SLC28A1: variants seen among roughly 807,000 people sequenced by gnomAD.
SLC28A1 encodes the protein sodium/nucleoside cotransporter 1.
In SLC28A1, 64 loss-of-function variants were observed where a neutral mutation model predicts 74.8. That is an observed-to-expected ratio of 0.86 (90% CI 0.70 to 1.05). The LOEUF is 1.05. Among genes scored for constraint, SLC28A1 ranks in the 50% least tolerant of loss-of-function variants. SLC28A1 has a pLI of 0.00. For missense variants in SLC28A1, 828 were observed against 822.8 expected (o/e 1.01, Z -0.08); for synonymous variants, 359 against 335.0 (o/e 1.07, Z -0.78).
In SLC28A1 at chr15:84,933,221, C is replaced by T. The variant is rs748592691; in HGVS notation, c.1160C>T (p.Pro387Leu). The T allele has an allele frequency of 2.3e-5, 37 of 1,613,604 alleles. No individual in the cohort carries two copies. In the Admixed American group the frequency reaches 3.0e-4, roughly 13 times the overall value. ...CALALSKLVY[P>L]EVEESKFRRE... The stretch of plus-strand genomic sequence containing the variant: ...TTGGCCCTCTCCAAGCTGGTCTACC[C>T]GGAGGTGGAGGAGTCCAAGTTTAGG... The change falls in exon 13 of 19, where the codon CCG becomes CTG. Residue 387 changes from proline (P) to leucine (L), a missense_variant. By Grantham distance (98) the Pro-to-Leu change is moderately conservative (BLOSUM62 -3). Coordinates refer to ENST00000394573, the MANE Select transcript of SLC28A1 (RefSeq NM_004213.5).
chr15:84,970,990 G>T, the SLC28A1 span, among the ~76,000 whole-genome samples: 5 of 152,190 alleles, frequency 3.3e-5, no homozygotes, highest in Non-Finnish European at 7.3e-5. Context: ...AAGTTCAAGG[G>T]CACAGTGGGC....
At chr15:84,906,504 GTTTGTTTGTTTGTTTGTTTGTTTGTTTC>G (rs1490871103) in intron 8 of SLC28A1, among the ~76,000 whole-genome samples, 184 of 10,648 alleles carry the variant, frequency 0.017, 2 homozygotes, top group African/African-American at 0.036. Flanking sequence ...AACATGGTTT[GTTTGTTTGTTTGTTTGTTTGTTTGTTTC>G]TTTCTTTCTT....
intron 9 of SLC28A1, among the ~76,000 whole-genome samples, chr15:84,910,768 G>A (rs1416955651): frequency 2.0e-5 from 3 of 152,194 alleles, no homozygotes; most frequent in Middle Eastern, 3.4e-3. Context: ...ACACACACCC[G>A]ACACTCTGCA....
chr15:84,928,527 G>GTTCTTTCTTTCT (rs1200042713), intron 12 of SLC28A1, among the ~76,000 whole-genome samples: 2 of 47,176 alleles, frequency 4.2e-5, no homozygotes, highest in African/African-American at 1.2e-4. Context: ...AGGTTCGTTC[G>GTTCTTTCTTTCT]TTCTTTCTTT....
intron 5 of SLC28A1, among the ~76,000 whole-genome samples, chr15:84,892,904 G>T (rs754912519): frequency 6.6e-6 from 1 of 152,158 alleles, no homozygotes; most frequent in African/African-American, 2.4e-5. Flanking sequence ...GCCCAGGGAG[G>T]TCTTCAAGGA....
intron 15 of SLC28A1, among the ~76,000 whole-genome samples, chr15:84,936,018 G>T (rs1400318131): frequency 9.0e-5 from 11 of 121,930 alleles, no homozygotes; most frequent in African/African-American, 3.7e-4. Flanking sequence ...GCAGTGGCTC[G>T]ATCTCGGCTC....
intron 6 of SLC28A1, among the ~76,000 whole-genome samples, chr15:84,902,628 A>G (rs757582391): frequency 1.2e-4 from 18 of 152,314 alleles, no homozygotes; most frequent in Non-Finnish European, 2.1e-4. Flanking sequence ...TACGTATGCC[A>G]AAACGTATCA....
chr15:84,962,827 C>T, the SLC28A1 span, among the ~76,000 whole-genome samples: 1 of 152,202 alleles, frequency 6.6e-6, no homozygotes, highest in African/African-American at 2.4e-5. Context: ...TGACTCTAGG[C>T]AGTGTCCAAA....
intron 9 of SLC28A1, among the ~76,000 whole-genome samples, chr15:84,913,383 G>A (rs751574987): frequency 2.0e-5 from 3 of 152,076 alleles, no homozygotes; most frequent in Non-Finnish European, 4.4e-5. Flanking sequence ...GAGGGGGCAG[G>A]CCATGTCCTT....
chr15:84,912,806 G>GCACACA (rs199525878), intron 9 of SLC28A1, among the ~76,000 whole-genome samples: 3,015 of 112,152 alleles, frequency 0.027, 86 homozygotes, highest in African/African-American at 0.079. Flanking sequence ...TTGCGCGCGC[G>GCACACA]CACACACACA....
At chr15:84,910,418 G>C (rs1391728989) in intron 9 of SLC28A1, among the ~76,000 whole-genome samples, 1 of 152,188 alleles carries the variant, frequency 6.6e-6, no homozygotes, top group Non-Finnish European at 1.5e-5. Flanking sequence ...GGCTCCCGCA[G>C]CTTCTTACAC....
Position 84,945,293 on chromosome 15 carries a change from G to A in SLC28A1, c.*93G>A. 1 of 1,229,038 alleles carries A rather than the reference G, an allele frequency of 8.1e-7. No homozygotes were observed. The highest frequency in any genetic ancestry group is 1.2e-6 in the Non-Finnish European group (1 of 839,516). 76.1% of individuals were successfully genotyped at this position (1,229,038 alleles called of 1,614,324 possible). A position where few individuals can be genotyped will look rare whatever the true frequency, so the allele number is the denominator to read the frequency against. Reference sequence around the variant, plus strand: ...CTTCCCTTTCCCAGAGCCCTCTTCAGGGAAGCCACAGGACTTAGACCCAGC... The same window carrying A: ...CTTCCCTTTCCCAGAGCCCTCTTCAAGGAAGCCACAGGACTTAGACCCAGC... On this transcript the variant is annotated 3_prime_UTR_variant, in exon 19 of 19. Coordinates refer to ENST00000394573, the MANE Select transcript of SLC28A1 (RefSeq NM_004213.5).
At chr15:84,964,323 G>T in the SLC28A1 span, among the ~76,000 whole-genome samples, 2 of 151,948 alleles carry the variant, frequency 1.3e-5, no homozygotes, top group African/African-American at 4.8e-5. Context: ...AGAGAAACAG[G>T]GAAGGAGGCA....
chr15:84,949,485 A>T (rs2079342996), downstream of SLC28A1, among the ~76,000 whole-genome samples: 1 of 151,804 alleles, frequency 6.6e-6, no homozygotes, highest in African/African-American at 2.4e-5. Flanking sequence ...TCCTGTGCTC[A>T]AGGGGTCCTC....
chr15:84,931,490 CAAA>C (rs71135334), intron 12 of SLC28A1, among the ~76,000 whole-genome samples: 3 of 139,924 alleles, frequency 2.1e-5, no homozygotes, highest in East Asian at 2.2e-4. Flanking sequence ...ACTGAAAATA[CAAA>C]AAAAAAAAAT....
At chr15:84,911,405 G>A (rs1367868385) in intron 9 of SLC28A1, among the ~76,000 whole-genome samples, 3 of 152,170 alleles carry the variant, frequency 2.0e-5, no homozygotes, top group East Asian at 1.9e-4. Context: ...TGTGTTGGCC[G>A]CAATGGCACA....
chr15:84,962,401 A>G, the SLC28A1 span, among the ~76,000 whole-genome samples: 327 of 152,072 alleles, frequency 2.2e-3, no homozygotes, highest in African/African-American at 7.4e-3. Context: ...GAGACTCTGT[A>G]AGGTGTCCTG....
chr15:84,896,228 A>T (rs987184461), intron 6 of SLC28A1, among the ~76,000 whole-genome samples: 1 of 152,262 alleles, frequency 6.6e-6, no homozygotes, highest in African/African-American at 2.4e-5. Context: ...TGTACAAATC[A>T]TATGTCTGCA....
intron 9 of SLC28A1, among the ~76,000 whole-genome samples, chr15:84,917,440 C>A (rs1407640475): frequency 6.6e-6 from 1 of 152,110 alleles, no homozygotes; most frequent in Non-Finnish European, 1.5e-5. Flanking sequence ...ACGCCCCTCA[C>A]ACACATGCTT....
Sources: allele counts gnomAD v4.1 joint callset (sites outside exome capture counted in the v4.1 genomes callset), GRCh38; gene constraint gnomAD v4.1.1; transcripts MANE v1.5; gene names NCBI Gene and HGNC (gene_info 2026-07-23, HGNC 2026-07-21).